AUH: variants seen among roughly 807,000 people sequenced by gnomAD.
AUH encodes the protein methylglutaconyl-CoA hydratase, mitochondrial.
A neutral mutation model predicts 42.3 loss-of-function variants in AUH; 29 were observed. That is an observed-to-expected ratio of 0.69 (90% confidence interval 0.51 to 0.93). AUH has a LOEUF of 0.93. AUH is among the 40% of genes least tolerant of loss of function. AUH has a pLI of 0.00. For synonymous variants in AUH, 174 were observed against 166.4 expected, an observed-to-expected ratio of 1.05 and a Z score of -0.35; for missense variants, 452 against 438.1, an observed-to-expected ratio of 1.03 and a Z score of -0.28.
At chr9:91,310,439 C>T (rs1159114254) in intron 4 of AUH, among the ~76,000 whole-genome samples, 1 of 152,164 alleles carries the variant, frequency 6.6e-6, no homozygotes, top group East Asian at 1.9e-4. Flanking sequence ...ACCATGTGCT[C>T]ATTACTAGAC....
intron 3 of AUH, among the ~76,000 whole-genome samples, chr9:91,354,433 G>A (rs1300321887): frequency 6.6e-6 from 1 of 152,134 alleles, no homozygotes; most frequent in African/African-American, 2.4e-5. Context: ...CTAATAAACA[G>A]CATGTGGTAT....
chr9:91,300,315 C>T (rs1827683911), intron 4 of AUH, among the ~76,000 whole-genome samples: 1 of 152,236 alleles, frequency 6.6e-6, no homozygotes, highest in African/African-American at 2.4e-5. Context: ...AGCCCCCTGC[C>T]TGTTGGACAT....
At chr9:91,298,134 T>C in intron 4 of AUH, 58 bp from the exon 5 acceptor site, 13 of 1,377,594 alleles carry the variant, frequency 9.4e-6, no homozygotes, top group Non-Finnish European at 1.3e-5. Context: ...CACTGTGTAA[T>C]TCATTTTTAA....
At chr9:91,320,459 G>T (rs1281713808) in intron 4 of AUH, among the ~76,000 whole-genome samples, 4 of 152,146 alleles carry the variant, frequency 2.6e-5, no homozygotes, top group Admixed American at 2.6e-4. Context: ...TTCAAACTGT[G>T]TTAAAATAAG....
At chr9:91,347,240 GT>G (rs1831584549) in intron 3 of AUH, among the ~76,000 whole-genome samples, 1 of 134,620 alleles carries the variant, frequency 7.4e-6, no homozygotes, top group African/African-American at 2.6e-5. Context: ...TTGTTTGTTT[GT>G]TTTGGTAGAG....
At chr9:91,301,740 G>A (rs891322706) in intron 4 of AUH, among the ~76,000 whole-genome samples, 2 of 152,166 alleles carry the variant, frequency 1.3e-5, no homozygotes, top group African/African-American at 4.8e-5. Flanking sequence ...GGAGCTCCAA[G>A]AGCAAGTCTC....
chr9:91,248,585 T>C (rs1346070800), intron 6 of AUH, among the ~76,000 whole-genome samples: 1 of 152,182 alleles, frequency 6.6e-6, no homozygotes, highest in Non-Finnish European at 1.5e-5. Flanking sequence ...GACACGGAAA[T>C]TTAAATAACT....
Position 91,298,009 on chromosome 9 carries a change from A to C in AUH, c.573T>G (p.Ala191=). The C allele has an allele frequency of 6.2e-7, 1 of 1,613,136 alleles. No individual in the cohort carries two copies. The highest frequency in any genetic ancestry group is 8.5e-7 in the Non-Finnish European group (1 of 1,179,070). ...GLALGGGLEL[A]LACDIRVAAS... ...CTGCTACTCGTATATCACAGGCTAA[A>C]GCCAGTTCAAGACCACCACCTAAAG... is the stretch of plus-strand genomic sequence containing the variant. Residue 191 remains alanine, a synonymous_variant, in exon 5 of 10, where the codon GCT becomes GCG. Transcript: ENST00000375731.
rs77319743 is a variant in AUH, at chr9:91,254,987, T to C, written c.656-33995A>G. ...AGCATAAACTCAAAGGAAAACTGAATCTGGAATTTATAGCCTGGAATTGAA... is the reference window on the plus strand; with the variant it reads ...AGCATAAACTCAAAGGAAAACTGAACCTGGAATTTATAGCCTGGAATTGAA... On this transcript the variant is annotated intron_variant, in intron 6 of 9. Transcript: ENST00000375731. 2.7e-3 allele frequency among the ~76,000 whole-genome samples: 405 copies of C among 152,272 alleles called. 1 individual carries two copies. The highest frequency in any genetic ancestry group is 5.6e-3 in the South Asian group (27 of 4,834).
chr9:91,309,687 GA>G (rs1274214724), intron 4 of AUH, among the ~76,000 whole-genome samples: 1 of 152,190 alleles, frequency 6.6e-6, no homozygotes, highest in Admixed American at 6.5e-5. Flanking sequence ...AAGAGGGTGA[GA>G]GGTGAAAAAT....
intron 4 of AUH, among the ~76,000 whole-genome samples, chr9:91,312,129 A>T (rs1828744573): frequency 6.6e-6 from 1 of 152,332 alleles, no homozygotes; most frequent in South Asian, 2.1e-4. Flanking sequence ...TGAATGAAAT[A>T]CAGAACTGCT....
intron 3 of AUH, among the ~76,000 whole-genome samples, chr9:91,355,453 G>A (rs916322848): frequency 2.6e-5 from 4 of 151,958 alleles, no homozygotes; most frequent in Non-Finnish European, 5.9e-5. Flanking sequence ...GCTACTCGGG[G>A]GGCTGAGGCG....
chr9:91,314,491 A>C (rs1330295774), intron 4 of AUH, among the ~76,000 whole-genome samples: 2 of 106,006 alleles, frequency 1.9e-5, no homozygotes, highest in Non-Finnish European at 3.9e-5. Context: ...TCAAAGAAGG[A>C]AAAAAAAAAA....
chr9:91,245,848 T>C (rs1828763890), intron 6 of AUH, among the ~76,000 whole-genome samples: 1 of 152,124 alleles, frequency 6.6e-6, no homozygotes, highest in African/African-American at 2.4e-5. Flanking sequence ...GAGTGCACCT[T>C]TGACCCCTGC....
chr9:91,324,385 C>A (rs1304073415), intron 4 of AUH, among the ~76,000 whole-genome samples: 3 of 151,962 alleles, frequency 2.0e-5, no homozygotes, highest in African/African-American at 7.2e-5. Flanking sequence ...CACCTGTAGT[C>A]CTAACCACTT....
chr9:91,262,901 A>G (rs909758479), intron 6 of AUH, among the ~76,000 whole-genome samples: 26 of 152,178 alleles, frequency 1.7e-4, no homozygotes, highest in African/African-American at 5.8e-4. Context: ...GGGGAGGGAT[A>G]AATAGGAATT....
At chr9:91,252,494 AC>A (rs1342335886) in intron 6 of AUH, among the ~76,000 whole-genome samples, 1 of 151,834 alleles carries the variant, frequency 6.6e-6, no homozygotes, top group Non-Finnish European at 1.5e-5. Flanking sequence ...ATTTTGCAGA[AC>A]CCCCAAGAGG....
intron 3 of AUH, among the ~76,000 whole-genome samples, chr9:91,333,802 A>G (rs1830503345): frequency 6.6e-6 from 1 of 152,252 alleles, no homozygotes; most frequent in Non-Finnish European, 1.5e-5. Context: ...TGTTGAAAGC[A>G]AAGAACCAGA....
At chr9:91,301,893 T>G (rs1193145417) in intron 4 of AUH, among the ~76,000 whole-genome samples, 1 of 152,244 alleles carries the variant, frequency 6.6e-6, no homozygotes, top group African/African-American at 2.4e-5. Flanking sequence ...CTTTAAATTA[T>G]TAATTAACAT....
Sources: allele counts gnomAD v4.1 joint callset (sites outside exome capture counted in the v4.1 genomes callset), GRCh38; gene constraint gnomAD v4.1.1; transcripts MANE v1.5; gene names NCBI Gene and HGNC (gene_info 2026-07-23, HGNC 2026-07-21).